Variants in ADARB2 observed in about 807,000 individuals in gnomAD.
The protein encoded by ADARB2 is adenosine deaminase RNA specific B2 (inactive).
In ADARB2, 25 loss-of-function variants were observed where a neutral mutation model predicts 62.2. That is an observed-to-expected ratio of 0.40 (90% CI 0.29 to 0.56). The LOEUF (loss-of-function observed/expected upper bound fraction) is 0.56. Ranked by LOEUF, ADARB2 falls within the 20% of genes least tolerant of loss-of-function variation. The pLI is 0.43. For missense variants in ADARB2, 1,071 were observed against 1,077.4 expected (o/e 0.99, Z 0.08); for synonymous variants, 572 against 500.8 (o/e 1.14, Z -1.90).
chr10:1,406,495 T>G (rs1374828134), intron 1 of ADARB2, among the ~76,000 whole-genome samples: 1 of 152,190 alleles, frequency 6.6e-6, no homozygotes, highest in Non-Finnish European at 1.5e-5. Context: ...CTTCTTCATC[T>G]CTGTGGCTTC....
At position 1,737,007 on chromosome 10, in the gene ADARB2, G is replaced by A. The variant is rs746493597; in HGVS notation, c.100+44C>T. The A allele has an allele frequency of 1.6e-5, 25 of 1,595,926 alleles. No individual in the cohort carries two copies. The African/African-American group carries it at 2.7e-4, about 17-fold the overall frequency. On this transcript the variant is annotated intron_variant, in intron 1 of 9. Coordinates refer to ENST00000381312, the MANE Select transcript of ADARB2 (RefSeq NM_018702.4). ...CATGAGAGGCCGGGGTGGAGAAGCC[G>A]GGGGTGAAGGGGGGCAGGGGCCGGC...
At chr10:1,473,401 C>T (rs937853520) in intron 1 of ADARB2, among the ~76,000 whole-genome samples, 1 of 151,664 alleles carries the variant, frequency 6.6e-6, no homozygotes, top group Non-Finnish European at 1.5e-5. Flanking sequence ...TTTTTTTTTC[C>T]TGACAGGGCC....
chr10:1,232,568 T>G, intron 6 of ADARB2, among the ~76,000 whole-genome samples: 1 of 149,828 alleles, frequency 6.7e-6, no homozygotes, highest in African/African-American at 2.5e-5. Flanking sequence ...ATGTGCTATG[T>G]GTGTGGTGTG....
At chr10:1,394,981 A>G in intron 1 of ADARB2, 3 of 454,272 alleles carry the variant, frequency 6.6e-6, no homozygotes, top group Non-Finnish European at 1.3e-5. Flanking sequence ...GTGCAGTGGC[A>G]CAATCACAGC....
At chr10:1,334,746 T>A (rs1457624646) in intron 3 of ADARB2, among the ~76,000 whole-genome samples, 1 of 152,210 alleles carries the variant, frequency 6.6e-6, no homozygotes, top group Non-Finnish European at 1.5e-5. Flanking sequence ...ATGTTTGATT[T>A]TTTTAAAGGG....
chr10:1,254,089 G>A (rs1474788829), intron 4 of ADARB2, among the ~76,000 whole-genome samples: 1 of 151,706 alleles, frequency 6.6e-6, no homozygotes, highest in African/African-American at 2.4e-5. Flanking sequence ...GGATGCCGCG[G>A]TCTCTGGTTA....
chr10:1,402,498 G>A (rs111585328), intron 1 of ADARB2, among the ~76,000 whole-genome samples: 36 of 152,224 alleles, frequency 2.4e-4, no homozygotes, highest in African/African-American at 7.7e-4. Context: ...CTGGAAATGC[G>A]GGCTGGTGCA....
chr10:1,289,174 G>A (rs1228421037), intron 3 of ADARB2, among the ~76,000 whole-genome samples: 1 of 152,148 alleles, frequency 6.6e-6, no homozygotes, highest in Non-Finnish European at 1.5e-5. Flanking sequence ...CCTTTCTACT[G>A]ATCATAACTC....
At chr10:1,590,029 G>T (rs1014006357) in intron 1 of ADARB2, among the ~76,000 whole-genome samples, 8 of 152,210 alleles carry the variant, frequency 5.3e-5, no homozygotes, top group Non-Finnish European at 7.3e-5. Context: ...TGGATTTGGG[G>T]AATGGGCCTG....
chr10:1,668,002 G>T (rs1021722105), intron 1 of ADARB2, among the ~76,000 whole-genome samples: 2 of 152,194 alleles, frequency 1.3e-5, no homozygotes, highest in Non-Finnish European at 2.9e-5. Flanking sequence ...CACCCTCCTT[G>T]GCTAAAGGCT....
At chr10:1,445,089 C>A (rs1215367475) in intron 1 of ADARB2, among the ~76,000 whole-genome samples, 1 of 151,856 alleles carries the variant, frequency 6.6e-6, no homozygotes, top group African/African-American at 2.4e-5. Context: ...ATCCATCCAC[C>A]CACCCACCCA....
intron 2 of ADARB2, among the ~76,000 whole-genome samples, chr10:1,364,547 C>T (rs1832296212): frequency 6.6e-6 from 1 of 152,212 alleles, no homozygotes; most frequent in East Asian, 1.9e-4. Context: ...CCTGAGTTCC[C>T]CATCTAGGGA....
intron 1 of ADARB2, among the ~76,000 whole-genome samples, chr10:1,409,023 T>C (rs1220063079): frequency 6.6e-6 from 1 of 152,216 alleles, no homozygotes; most frequent in East Asian, 1.9e-4. Context: ...TGTGCTGCTC[T>C]CTGGGGAGAC....
At chr10:1,350,942 C>G in intron 3 of ADARB2, among the ~76,000 whole-genome samples, 1 of 152,230 alleles carries the variant, frequency 6.6e-6, no homozygotes. Context: ...CCCGCCATAT[C>G]TCCAGCACGC....
intron 1 of ADARB2, among the ~76,000 whole-genome samples, chr10:1,733,776 A>C (rs1835263694): frequency 1.3e-5 from 2 of 152,214 alleles, no homozygotes; most frequent in African/African-American, 4.8e-5. Flanking sequence ...ATAATTACCA[A>C]GAACTATAAA....
At chr10:1,340,990 G>C (rs1832020378) in intron 3 of ADARB2, among the ~76,000 whole-genome samples, 1 of 149,864 alleles carries the variant, frequency 6.7e-6, no homozygotes, top group Non-Finnish European at 1.5e-5. Flanking sequence ...GTGATAACCA[G>C]CATCCACCAG....
chr10:1,722,480 C>A (rs183034413), intron 1 of ADARB2, among the ~76,000 whole-genome samples: 1 of 152,206 alleles, frequency 6.6e-6, no homozygotes, highest in South Asian at 2.1e-4. Flanking sequence ...CACAAGGGAA[C>A]GCAGTAGGTC....
chr10:1,219,860 G>A (rs62634807), intron 6 of ADARB2, among the ~76,000 whole-genome samples: 6 of 137,770 alleles, frequency 4.4e-5, no homozygotes, highest in Admixed American at 2.9e-4. Context: ...TGGTGATGAT[G>A]ATGGTAATGG....
intron 2 of ADARB2, among the ~76,000 whole-genome samples, chr10:1,375,947 CCACACACATGCACACA>C (rs1832423658): frequency 9.4e-6 from 1 of 106,890 alleles, no homozygotes; most frequent in Admixed American, 1.1e-4. Flanking sequence ...CAGACACACA[CCACACACATGCACACA>C]CACACATGTG....
Sources: allele counts gnomAD v4.1 joint callset (sites outside exome capture counted in the v4.1 genomes callset), GRCh38; gene constraint gnomAD v4.1.1; transcripts MANE v1.5; gene names NCBI Gene and HGNC (gene_info 2026-07-23, HGNC 2026-07-21).